GSE1: variants seen among roughly 807,000 people sequenced by gnomAD.
GSE1 encodes the protein genetic suppressor element 1.
Under a neutral mutation model 112.6 loss-of-function variants are expected in GSE1, and 32 were observed. That is an observed-to-expected ratio of 0.28 (90% CI 0.21 to 0.38). The LOEUF (loss-of-function observed/expected upper bound fraction) is 0.38, where lower values mean the gene tolerates loss of function less well. Ranked by LOEUF, GSE1 falls within the 10% of genes least tolerant of loss-of-function variation. The pLI, the probability that GSE1 is intolerant of heterozygous loss-of-function variation, is 1.00. For synonymous variants in GSE1, 1,115 were observed against 735.6 expected (o/e 1.52, Z -8.35); for missense variants, 2,348 against 1,699.2 (o/e 1.38, Z -6.71).
At chr16:85,581,611 T>A (rs2151385594) in intron 1 of GSE1, among the ~76,000 whole-genome samples, 1 of 152,292 alleles carries the variant, frequency 6.6e-6, no homozygotes, top group Middle Eastern at 3.4e-3. Context: ...CATGCGTCTC[T>A]GTGCATGCGC....
chr16:85,477,509 A>G (rs972113067), intron 2 of GSE1, among the ~76,000 whole-genome samples: 1 of 145,184 alleles, frequency 6.9e-6, no homozygotes, highest in South Asian at 2.2e-4. Context: ...CCTCCGGCCT[A>G]CTGGGCTCTC....
At chr16:85,572,067 CACA>C (rs1237108100) in intron 1 of GSE1, among the ~76,000 whole-genome samples, 2 of 151,362 alleles carry the variant, frequency 1.3e-5, no homozygotes, top group East Asian at 3.9e-4. Context: ...ACACCATACA[CACA>C]ACCACACCCC....
At chr16:85,381,070 A>G (rs913123264) in intron 2 of GSE1, among the ~76,000 whole-genome samples, 20 of 152,240 alleles carry the variant, frequency 1.3e-4, no homozygotes, top group Admixed American at 1.3e-3. Flanking sequence ...TCACCCCAAA[A>G]GGAAATCCCA....
Position 85,599,429 on chromosome 16 carries a change from C to T in GSE1, c.37+43066C>T, listed in dbSNP as rs75708036. On this transcript the variant is annotated intron_variant, in intron 1 of 2. Coordinates refer to the GSE1 transcript ENST00000635906. ...CTGATTCCTGGGCTCCGCCCTGGACCTGCCCCCAATCTGGAATGTGGGTGA... is the reference window on the plus strand; with the variant it reads ...CTGATTCCTGGGCTCCGCCCTGGACTTGCCCCCAATCTGGAATGTGGGTGA... 9.2e-3 allele frequency among the ~76,000 whole-genome samples: 1,403 copies of T among 152,348 alleles called. 15 individuals are homozygous for T. Among genetic ancestry groups the T allele is most frequent in the Non-Finnish European group, 0.013 (886 of 68,032 alleles).
At chr16:85,485,843 G>A (rs569398887) in intron 2 of GSE1, among the ~76,000 whole-genome samples, 58 of 152,202 alleles carry the variant, frequency 3.8e-4, no homozygotes, top group Non-Finnish European at 6.6e-4. Context: ...CGGGCCCCAG[G>A]TAGGAGCTGG....
In GSE1 at chr16:85,648,760, G is replaced by A. The variant is rs201252847; in HGVS notation, c.426+9G>A. On this transcript the variant is annotated intron_variant, in intron 3 of 15. Transcript: ENST00000253458. ...GGAGTGAGAGCCGGCAGGTGAGTGG[G>A]GCGGGGCAGGGAGCCTAGCGTCCTC... is the stretch of plus-strand genomic sequence containing the variant. The A allele has an allele frequency of 6.5e-6, 10 of 1,545,558 alleles. No individual in the cohort carries two copies. The highest frequency in any genetic ancestry group is 2.4e-5 in the East Asian group (1 of 41,272).
chr16:85,211,898 C>G (rs990907043), intron 1 of GSE1, among the ~76,000 whole-genome samples: 1 of 152,208 alleles, frequency 6.6e-6, no homozygotes, highest in East Asian at 1.9e-4. Context: ...CAGCTTTGAG[C>G]GCCTGGATTT....
intron 1 of GSE1, among the ~76,000 whole-genome samples, chr16:85,276,854 C>T (rs919293943): frequency 2.6e-5 from 4 of 152,226 alleles, no homozygotes; most frequent in African/African-American, 7.2e-5. Context: ...CTCTGAAAAG[C>T]AGGTGTCCTC....
intron 2 of GSE1, among the ~76,000 whole-genome samples, chr16:85,455,758 T>C (rs1432069219): frequency 1.3e-5 from 2 of 152,220 alleles, no homozygotes; most frequent in Admixed American, 6.5e-5. Flanking sequence ...TCTGACAAGC[T>C]TGGGGGGAAT....
chr16:85,456,395 C>T (rs557790628), intron 2 of GSE1, among the ~76,000 whole-genome samples: 97 of 152,208 alleles, frequency 6.4e-4, no homozygotes, highest in African/African-American at 2.3e-3. Flanking sequence ...GAGAGCTCAG[C>T]CATCTCTACC....
intron 2 of GSE1, among the ~76,000 whole-genome samples, chr16:85,475,895 A>G (rs1030598340): frequency 1.3e-5 from 2 of 150,742 alleles, no homozygotes; most frequent in African/African-American, 2.5e-5. Flanking sequence ...AAGCGCTAGC[A>G]TTACAGGTGT....
chr16:85,323,049 C>A (rs2046146890), intron 1 of GSE1, among the ~76,000 whole-genome samples: 1 of 152,098 alleles, frequency 6.6e-6, no homozygotes, highest in East Asian at 1.9e-4. Flanking sequence ...TGTCACCTCC[C>A]AAAATAGCAT....
At chr16:85,531,086 C>T (rs1219467858) in intron 2 of GSE1, among the ~76,000 whole-genome samples, 7 of 152,204 alleles carry the variant, frequency 4.6e-5, no homozygotes, top group Non-Finnish European at 8.8e-5. Flanking sequence ...TGGCTTCGTT[C>T]GGTTGCCCGG....
At chr16:85,337,295 TTC>T (rs939843211) in intron 1 of GSE1, among the ~76,000 whole-genome samples, 4 of 149,194 alleles carry the variant, frequency 2.7e-5, no homozygotes, top group Admixed American at 1.3e-4. Context: ...ACTTTTTTTT[TTC>T]TTTTCTTTTC....
At chr16:85,604,229 G>C (rs934827975) in intron 1 of GSE1, among the ~76,000 whole-genome samples, 6 of 152,176 alleles carry the variant, frequency 3.9e-5, no homozygotes, top group African/African-American at 1.4e-4. Context: ...CTCTGGATTT[G>C]CCTGTTCCGG....
intron 2 of GSE1, among the ~76,000 whole-genome samples, chr16:85,404,905 C>A (rs1450917590): frequency 4.3e-5 from 2 of 46,926 alleles, no homozygotes; most frequent in African/African-American, 2.8e-4. Flanking sequence ...CCCGGATAAT[C>A]CTCACTGTTA....
intron 1 of GSE1, among the ~76,000 whole-genome samples, chr16:85,222,186 G>C (rs1403787582): frequency 6.6e-6 from 1 of 152,210 alleles, no homozygotes; most frequent in East Asian, 1.9e-4. Flanking sequence ...GCAGCCTCCT[G>C]CACTTCAGTG....
chr16:85,334,462 C>G (rs574429922), intron 1 of GSE1, among the ~76,000 whole-genome samples: 2 of 152,234 alleles, frequency 1.3e-5, no homozygotes, highest in South Asian at 4.1e-4. Context: ...CCATGATGAG[C>G]TCTCCTCTCC....
At chr16:85,630,051 G>A (rs968918192) in intron 1 of GSE1, among the ~76,000 whole-genome samples, 1 of 152,200 alleles carries the variant, frequency 6.6e-6, no homozygotes, top group African/African-American at 2.4e-5. Flanking sequence ...GCCAGCCTGG[G>A]GCTGGAGGAT....
Sources: allele counts gnomAD v4.1 joint callset (sites outside exome capture counted in the v4.1 genomes callset), GRCh38; gene constraint gnomAD v4.1.1; transcripts MANE v1.5; gene names NCBI Gene and HGNC (gene_info 2026-07-23, HGNC 2026-07-21).